Variants in SMAD2 observed in about 807,000 individuals in gnomAD.
The protein encoded by SMAD2 is SMAD family member 2, also known as MAD homolog 2.
A neutral mutation model predicts 64.4 loss-of-function variants in SMAD2; 8 were observed. The observed-to-expected ratio is 0.12, with a 90% CI of 0.07 to 0.22. The LOEUF is 0.22. Among genes scored for constraint, SMAD2 ranks in the 10% least tolerant of loss-of-function variants. SMAD2 has a pLI of 1.00. For synonymous variants in SMAD2, 203 were observed against 195.8 expected (o/e 1.04, Z -0.31); for missense variants, 289 against 561.2 (o/e 0.51, Z 4.90).
At chr18:47,871,319 A>G (rs2031920032) in intron 2 of SMAD2, among the ~76,000 whole-genome samples, 1 of 152,224 alleles carries the variant, frequency 6.6e-6, no homozygotes, top group Non-Finnish European at 1.5e-5. Context: ...TGAAAAGTCC[A>G]TTTCTTACAT....
At chr18:47,865,767 G>A (rs1168829964) in intron 5 of SMAD2, among the ~76,000 whole-genome samples, 1 of 152,126 alleles carries the variant, frequency 6.6e-6, no homozygotes, top group Non-Finnish European at 1.5e-5. Context: ...GAGGTAAAAT[G>A]CTCCCTGAAA....
intron 2 of SMAD2, among the ~76,000 whole-genome samples, chr18:47,879,674 A>G (rs1254489580): frequency 6.6e-6 from 1 of 152,152 alleles, no homozygotes; most frequent in Non-Finnish European, 1.5e-5. Context: ...TAGAAATATG[A>G]TTTCTTTTTT....
In SMAD2 at chr18:47,838,855, C is replaced by T. The variant is rs1913677503; in HGVS notation, c.*2972G>A. 2 of 232,814 alleles carry T rather than the reference C, an allele frequency of 8.6e-6. No individual in the cohort carries two copies. The highest frequency in any genetic ancestry group is 1.2e-4 in the East Asian group (2 of 16,618). The allele number at this position is 232,814 out of a possible 1,614,324, so 14.4% of individuals were successfully genotyped here. A position where few individuals can be genotyped will look rare whatever the true frequency, so the allele number is the denominator to read the frequency against. On this transcript the variant is annotated 3_prime_UTR_variant, in exon 11 of 11. Transcript: ENST00000262160. Reference sequence around the variant, plus strand: ...CTCATCTTAGAAATGTGATAGAAAGCATGGCCATTCGGTTCTCAGGTCATC... The same window carrying T: ...CTCATCTTAGAAATGTGATAGAAAGTATGGCCATTCGGTTCTCAGGTCATC...
chr18:47,868,274 C>CA, intron 5 of SMAD2, 49 bp downstream of exon 5: 1 of 1,531,486 alleles, frequency 6.5e-7, no homozygotes, highest in Non-Finnish European at 9.0e-7. Context: ...TGCTTATGAA[C>CA]AAAATTTGTA....
intron 2 of SMAD2, among the ~76,000 whole-genome samples, chr18:47,896,204 T>C (rs1263667694): frequency 6.6e-6 from 1 of 152,206 alleles, no homozygotes; most frequent in African/African-American, 2.4e-5. Context: ...AAACTGTAGG[T>C]TGCTACTATG....
At chr18:47,886,923 CAAAAAAAA>C (rs11432634) in intron 2 of SMAD2, 1 of 126,456 alleles carries the variant, frequency 7.9e-6, no homozygotes, top group Admixed American at 8.4e-5. Flanking sequence ...TGATTATATG[CAAAAAAAA>C]AAAAAAAGAA....
chr18:47,883,695 T>A (rs982307903), intron 2 of SMAD2, among the ~76,000 whole-genome samples: 7 of 152,228 alleles, frequency 4.6e-5, no homozygotes, highest in Non-Finnish European at 1.0e-4. Flanking sequence ...GATTTAGATA[T>A]ATCACTTTAC....
chr18:47,872,863 C>T (rs1051303199), intron 2 of SMAD2, among the ~76,000 whole-genome samples: 1 of 152,072 alleles, frequency 6.6e-6, no homozygotes, highest in East Asian at 1.9e-4. Context: ...TGGGAACAGC[C>T]GATTTAAAGT....
chr18:47,828,121 G>GT lies in SMAD2; in HGVS notation c.*13705_*13706insA, dbSNP rs1912832216. 1 of 161,034 alleles carries GT rather than the reference G, an allele frequency of 6.2e-6. No homozygotes were observed. The highest frequency in any genetic ancestry group is 1.7e-4 in the South Asian group (1 of 6,032). The allele number at this position is 161,034 out of a possible 1,614,324, so 10.0% of individuals were successfully genotyped here. A position where few individuals can be genotyped will look rare whatever the true frequency, so the allele number is the denominator to read the frequency against. Reference sequence around the variant, plus strand: ...CGTCTGGGAGGTGAGGAGCGTCTCTGCCCGGCCGCCCCGTCTGAGAAGTGA... The same window carrying GT: ...CGTCTGGGAGGTGAGGAGCGTCTCTGTCCCGGCCGCCCCGTCTGAGAAGTGA... On this transcript the variant is annotated 3_prime_UTR_variant, in exon 11 of 11. Transcript: ENST00000262160.
At chr18:47,878,011 G>T (rs983284218) in intron 2 of SMAD2, among the ~76,000 whole-genome samples, 1 of 151,974 alleles carries the variant, frequency 6.6e-6, no homozygotes, top group South Asian at 2.1e-4. Context: ...AATGTTTTTC[G>T]ATTTTATCTT....
intron 1 of SMAD2, among the ~76,000 whole-genome samples, chr18:47,902,394 G>A (rs762524862): frequency 1.2e-4 from 19 of 152,116 alleles, no homozygotes; most frequent in African/African-American, 3.4e-4. Flanking sequence ...CCCCCAAAAC[G>A]TTCTAATTCC....
Position 47,814,855 on chromosome 18 carries a change from A to C in SMAD2, c.*26972T>G, listed in dbSNP as rs988912239. 1 of 152,334 alleles carries C rather than the reference A, an allele frequency of 6.6e-6. No homozygotes were observed. The highest frequency in any genetic ancestry group is 2.4e-5 in the African/African-American group (1 of 41,450). The allele number at this position is 152,334 out of a possible 1,614,324, so 9.4% of individuals were successfully genotyped here. On this transcript the variant is annotated 3_prime_UTR_variant, in exon 11 of 11. Coordinates refer to ENST00000262160, the MANE Select transcript of SMAD2 (RefSeq NM_005901.6). ...TCCCACCCACTCCAAAGCCCAGCAG[A>C]TTAACAGTCCCATAGTTGGGACATG...
At chr18:47,851,002 C>T (rs189728007) in intron 7 of SMAD2, among the ~76,000 whole-genome samples, 36 of 146,530 alleles carry the variant, frequency 2.5e-4, no homozygotes, top group African/African-American at 8.8e-4. Flanking sequence ...CTAGCCATAA[C>T]AGGTTATATA....
At chr18:47,897,845 T>C (rs2144479953) in intron 1 of SMAD2, among the ~76,000 whole-genome samples, 1 of 152,248 alleles carries the variant, frequency 6.6e-6, no homozygotes, top group African/African-American at 2.4e-5. Context: ...TTTTCTTTCC[T>C]TTGCCTTCAA....
At chr18:47,844,110 G>T (rs148986116) in intron 10 of SMAD2, among the ~76,000 whole-genome samples, 3 of 152,154 alleles carry the variant, frequency 2.0e-5, no homozygotes, top group Non-Finnish European at 2.9e-5. Flanking sequence ...AATCAAAACA[G>T]AACTACAGCA....
At position 47,831,567 on chromosome 18, in the gene SMAD2, C is replaced by A. The variant is rs950391581; in HGVS notation, c.*10260G>T. The A allele has an allele frequency of 3.3e-5, 5 of 152,206 alleles. No individual in the cohort carries two copies. The highest frequency in any genetic ancestry group is 5.9e-5 in the Non-Finnish European group (4 of 68,026). The allele number at this position is 152,206 out of a possible 1,614,324, so 9.4% of individuals were successfully genotyped here. ...ACTGGCAAATCCCCATCTCAAATTC[C>A]ATTTATTCTATAACCAATAAAGTCA... On this transcript the variant is annotated 3_prime_UTR_variant, in exon 11 of 11. Transcript: ENST00000262160.
chr18:47,851,095 T>A (rs540790066), intron 7 of SMAD2, among the ~76,000 whole-genome samples, 179 bp downstream of exon 7: 1 of 151,058 alleles, frequency 6.6e-6, no homozygotes, highest in Admixed American at 6.7e-5. Flanking sequence ...CTTAATAATT[T>A]TGAGGGATGG....
rs1913004736 is a variant in SMAD2 at position 47,831,797 on chromosome 18, C to G, written c.*10030G>C. 1 of 152,192 alleles carries G rather than the reference C, an allele frequency of 6.6e-6. No individual in the cohort carries two copies. Among genetic ancestry groups the G allele is most frequent in the Admixed American group, 6.5e-5 (1 of 15,276 alleles). The allele number at this position is 152,192 out of a possible 1,614,324, so 9.4% of individuals were successfully genotyped here. The stretch of plus-strand genomic sequence containing the variant: ...CATTTGTTTTACAAAATCAGTTAAA[C>G]CAATTCTACAAATATTTCCATACCT... On this transcript the variant is annotated 3_prime_UTR_variant, in exon 11 of 11. Coordinates refer to ENST00000262160, the MANE Select transcript of SMAD2 (RefSeq NM_005901.6).
At chr18:47,925,909 G>C (rs910634256) in intron 1 of SMAD2, among the ~76,000 whole-genome samples, 2 of 152,234 alleles carry the variant, frequency 1.3e-5, no homozygotes, top group Admixed American at 1.3e-4. Context: ...TCAACAGAGA[G>C]ACTGGCCAAC....
Sources: allele counts gnomAD v4.1 joint callset (sites outside exome capture counted in the v4.1 genomes callset), GRCh38; gene constraint gnomAD v4.1.1; transcripts MANE v1.5; gene names NCBI Gene and HGNC (gene_info 2026-07-23, HGNC 2026-07-21).